Variants in DLG2 observed in about 807,000 individuals in gnomAD.
DLG2 encodes discs large MAGUK scaffold protein 2.
A neutral mutation model predicts 132.5 loss-of-function variants in DLG2; 45 were observed. The ratio of observed to expected loss-of-function variants is 0.34; its 90% confidence interval spans 0.27 to 0.44. DLG2 has a LOEUF of 0.44. Among genes scored for constraint, DLG2 ranks in the 20% least tolerant of loss-of-function variants. The probability of loss-of-function intolerance (pLI) is 1.00; values close to 1 mark genes in which losing one functional copy is unlikely to be tolerated. For missense variants in DLG2, 1,045 were observed against 1,196.9 expected, an observed-to-expected ratio of 0.87 and a Z score of 1.87; for synonymous variants, 424 against 419.6, an observed-to-expected ratio of 1.01 and a Z score of -0.13.
At chr11:85,209,276 T>C (rs10898380) in intron 4 of DLG2, among the ~76,000 whole-genome samples, 131,455 of 151,846 alleles carry the variant, frequency 0.87, 57,393 homozygotes, top group Non-Finnish European at 0.93. Context: ...TCCAAGCTAA[T>C]ATCAATGTTG....
chr11:85,472,406 A>C (rs574750401), intron 3 of DLG2, among the ~76,000 whole-genome samples: 37 of 152,182 alleles, frequency 2.4e-4, no homozygotes, highest in African/African-American at 8.7e-4. Context: ...GGTTCAAGTG[A>C]TTCTCCTGCC....
intron 6 of DLG2, among the ~76,000 whole-genome samples, chr11:84,849,986 A>AT (rs1488197963): frequency 6.6e-6 from 1 of 152,066 alleles, no homozygotes; most frequent in Non-Finnish European, 1.5e-5. Context: ...CCAGAAAACG[A>AT]TTTTCTTTTA....
At chr11:84,207,079 C>A (rs796433242) in intron 8 of DLG2, among the ~76,000 whole-genome samples, 5,765 of 99,280 alleles carry the variant, frequency 0.058, 177 homozygotes, top group African/African-American at 0.12. Context: ...CTCTCTCTCT[C>A]TCTATATATA....
intron 3 of DLG2, among the ~76,000 whole-genome samples, chr11:85,512,210 A>G (rs920719607): frequency 6.6e-6 from 1 of 152,082 alleles, no homozygotes; most frequent in Non-Finnish European, 1.5e-5. Context: ...TTCAAAAAAT[A>G]GCAATAACAA....
chr11:84,493,634 C>A (rs772295340), intron 7 of DLG2, among the ~76,000 whole-genome samples: 1 of 151,996 alleles, frequency 6.6e-6, no homozygotes, highest in South Asian at 2.1e-4. Flanking sequence ...GATTCAAATC[C>A]CAACTCCACC....
intron 10 of DLG2, among the ~76,000 whole-genome samples, chr11:84,089,995 T>C (rs866303773): frequency 1.3e-5 from 2 of 152,218 alleles, no homozygotes; most frequent in Non-Finnish European, 2.9e-5. Context: ...GACTTCAAAC[T>C]ACACAGAGGG....
At chr11:83,680,164 A>G (rs2078517537) in intron 18 of DLG2, among the ~76,000 whole-genome samples, 1 of 152,128 alleles carries the variant, frequency 6.6e-6, no homozygotes, top group South Asian at 2.1e-4. Context: ...GGTGGAGAAA[A>G]TAGAAAAACC....
Position 84,046,868 on chromosome 11 carries a change from C to G in DLG2, c.919+12447G>C, listed in dbSNP as rs1161302127. On this transcript the variant is annotated intron_variant, in intron 11 of 27. Coordinates refer to ENST00000376104, the MANE Select transcript of DLG2 (RefSeq NM_001142699.3). ...ATATGCGATAAAGTACCCAAAGTATCTATCTACAATTGAGTTATGTTCAGA... is the reference window on the plus strand; with the variant it reads ...ATATGCGATAAAGTACCCAAAGTATGTATCTACAATTGAGTTATGTTCAGA... Among the ~76,000 whole-genome samples, 5 of 151,614 alleles carry G rather than the reference C, an allele frequency of 3.3e-5. No homozygotes were observed. In the Admixed American group the frequency reaches 3.3e-4, roughly 10 times the overall value.
At chr11:85,028,627 T>C (rs1592932493) in intron 6 of DLG2, among the ~76,000 whole-genome samples, 1 of 152,108 alleles carries the variant, frequency 6.6e-6, no homozygotes, top group African/African-American at 2.4e-5. Flanking sequence ...TGCAGCTGGG[T>C]CGCGACAGTG....
At chr11:84,547,951 A>G (rs972055206) in intron 6 of DLG2, among the ~76,000 whole-genome samples, 27 of 152,218 alleles carry the variant, frequency 1.8e-4, no homozygotes, top group Non-Finnish European at 1.5e-5. Flanking sequence ...ACTATTCTAC[A>G]GTAGAGCTGG....
intron 12 of DLG2, among the ~76,000 whole-genome samples, chr11:83,972,339 G>A (rs998182354): frequency 4.6e-5 from 7 of 152,186 alleles, no homozygotes; most frequent in Admixed American, 1.3e-4. Context: ...GTAGATTTGT[G>A]TTTATGAGAA....
intron 14 of DLG2, among the ~76,000 whole-genome samples, chr11:83,942,660 T>C (rs2082918171): frequency 6.6e-6 from 1 of 152,226 alleles, no homozygotes; most frequent in Admixed American, 6.5e-5. Context: ...GTTACCAACA[T>C]GTTAATAGTG....
intron 8 of DLG2, among the ~76,000 whole-genome samples, chr11:84,210,722 T>A (rs1459539375): frequency 6.6e-6 from 1 of 152,098 alleles, no homozygotes; most frequent in African/African-American, 2.4e-5. Context: ...AAAAAACATG[T>A]TGAGTGATAG....
At chr11:83,677,032 A>AT (rs893124651) in intron 18 of DLG2, among the ~76,000 whole-genome samples, 8 of 152,016 alleles carry the variant, frequency 5.3e-5, no homozygotes, top group East Asian at 3.9e-4. Flanking sequence ...AGTATTTTGC[A>AT]TTTTTTTTGA....
chr11:84,645,709 C>T lies in DLG2; in HGVS notation c.358-110978G>A, dbSNP rs532548155. On this transcript the variant is annotated intron_variant, in intron 6 of 27. Coordinates refer to ENST00000376104, the MANE Select transcript of DLG2 (RefSeq NM_001142699.3). ...GTCTCGATCTCCTGACCTCGTGATCCGCCAGCCTCAGCCTCTCAAAGTGCT... is the reference window on the plus strand; with the variant it reads ...GTCTCGATCTCCTGACCTCGTGATCTGCCAGCCTCAGCCTCTCAAAGTGCT... Among the ~76,000 whole-genome samples the T allele has an allele frequency of 2.6e-5, 4 of 152,232 alleles. No homozygotes were observed. The East Asian group carries it at 5.8e-4, about 22-fold the overall frequency.
At chr11:84,979,184 A>T (rs2055363052) in intron 6 of DLG2, among the ~76,000 whole-genome samples, 1 of 152,186 alleles carries the variant, frequency 6.6e-6, no homozygotes, top group African/African-American at 2.4e-5. Context: ...GGATGTAGAA[A>T]AATAGGAACT....
intron 6 of DLG2, among the ~76,000 whole-genome samples, chr11:85,049,200 T>G (rs912636692): frequency 6.6e-6 from 1 of 152,010 alleles, no homozygotes; most frequent in Non-Finnish European, 1.5e-5. Flanking sequence ...ATCCATCCTA[T>G]AGTGAGTTAA....
intron 3 of DLG2, among the ~76,000 whole-genome samples, chr11:85,457,006 T>A (rs1395318008): frequency 6.6e-6 from 1 of 152,182 alleles, no homozygotes; most frequent in Non-Finnish European, 1.5e-5. Flanking sequence ...GCCTCAATGA[T>A]CTGTCTAATA....
intron 5 of DLG2, among the ~76,000 whole-genome samples, chr11:85,112,086 C>T (rs1354243721): frequency 1.3e-5 from 2 of 152,050 alleles, no homozygotes; most frequent in Non-Finnish European, 2.9e-5. Flanking sequence ...ATGCTGTACT[C>T]CTGTAAGATC....
Sources: allele counts gnomAD v4.1 joint callset (sites outside exome capture counted in the v4.1 genomes callset), GRCh38; gene constraint gnomAD v4.1.1; transcripts MANE v1.5; gene names NCBI Gene and HGNC (gene_info 2026-07-23, HGNC 2026-07-21).